The following ANXA6 variants were observed in gnomAD, a reference collection of about 807,000 sequenced individuals.
The protein encoded by ANXA6 is annexin A6, also known as 67 kDa calelectrin.
A neutral mutation model predicts 95.4 loss-of-function variants in ANXA6; 71 were observed. The ratio of observed to expected loss-of-function variants is 0.74; its 90% CI spans 0.61 to 0.91. ANXA6 has a LOEUF of 0.91. Among genes scored for constraint, ANXA6 ranks in the 40% least tolerant of loss-of-function variants. The pLI is 0.00. For missense variants in ANXA6, 830 were observed against 876.4 expected (o/e 0.95, Z 0.67); for synonymous variants, 289 against 315.9 (o/e 0.91, Z 0.90).
chr5:151,150,585 A>G (rs940136838), intron 1 of ANXA6, among the ~76,000 whole-genome samples: 14 of 152,222 alleles, frequency 9.2e-5, no homozygotes, highest in African/African-American at 3.4e-4. Context: ...AGTGGAAGGC[A>G]GAGGACGGAT....
At chr5:151,104,301 T>A (rs1312451526) in intron 24 of ANXA6, among the ~76,000 whole-genome samples, 1 of 152,154 alleles carries the variant, frequency 6.6e-6, no homozygotes, top group Non-Finnish European at 1.5e-5. Flanking sequence ...ACACCAGCCC[T>A]AGGAAACTAC....
At chr5:151,153,115 C>A (rs540483606) in intron 1 of ANXA6, among the ~76,000 whole-genome samples, 5 of 152,294 alleles carry the variant, frequency 3.3e-5, no homozygotes, top group South Asian at 2.1e-4. Context: ...GCTCAGCAGT[C>A]GAGGCCATTG....
At chr5:151,151,551 T>A (rs1211326348) in intron 1 of ANXA6, 1 of 152,218 alleles carries the variant, frequency 6.6e-6, no homozygotes, top group Non-Finnish European at 1.5e-5. Context: ...TGGTTCTGGT[T>A]CCCAGTCTGC....
In ANXA6 at chr5:151,101,506, C is replaced by T; in HGVS notation, c.1964G>A (p.Gly655Asp). 1 of 1,559,600 alleles carries T rather than the reference C, an allele frequency of 6.4e-7. No homozygotes were observed. Among genetic ancestry groups the T allele is most frequent in the Non-Finnish European group, 8.7e-7 (1 of 1,151,682 alleles). ...YDKSLHQAIEGDTSGDFLKAL... is the reference protein window; with the variant it reads ...YDKSLHQAIEDDTSGDFLKAL... ...CTTCAGGAAGTCTCCGGAGGTGTCA[C>T]CCTGGCAGAGGCAGAGAGCAGAGTG... The change falls in exon 26 of 26, where the codon GGT becomes GAT. Residue 655 changes from glycine to aspartate, a missense_variant and splice_region_variant. Gly to Asp is a moderately conservative substitution (Grantham distance 94). Coordinates refer to ENST00000354546, the MANE Select transcript of ANXA6 (RefSeq NM_001155.5).
At chr5:151,105,200 T>C in intron 24 of ANXA6, 45 bp downstream of exon 24, 3 of 1,558,502 alleles carry the variant, frequency 1.9e-6, no homozygotes, top group Non-Finnish European at 1.8e-6. Context: ...TGTGTGTATG[T>C]AAGTCAGTGC....
intron 22 of ANXA6, 42 bp downstream of exon 22, chr5:151,109,711 G>C: frequency 6.7e-7 from 1 of 1,484,048 alleles, no homozygotes; most frequent in Non-Finnish European, 9.3e-7. Flanking sequence ...CAGATTCTGG[G>C]ATCTTCCTGC....
chr5:151,132,809 G>A (rs1765554542), intron 9 of ANXA6, among the ~76,000 whole-genome samples: 1 of 151,980 alleles, frequency 6.6e-6, no homozygotes, highest in Non-Finnish European at 1.5e-5. Flanking sequence ...GACTGGCACT[G>A]AGATGGAAGG....
At chr5:151,131,336 G>C (rs777432831) in intron 10 of ANXA6, 47 bp from the exon 11 acceptor site, 6 of 1,593,506 alleles carry the variant, frequency 3.8e-6, no homozygotes, top group Non-Finnish European at 5.2e-6. Flanking sequence ...TGCCTCAGAA[G>C]GGGGATGGGA....
chr5:151,122,264 C>G lies in ANXA6; in HGVS notation c.1234-4G>C. 1 of 1,582,830 alleles carries G rather than the reference C, an allele frequency of 6.3e-7. No homozygotes were observed. On this transcript the variant is annotated splice_polypyrimidine_tract_variant and splice_region_variant and intron_variant, in intron 16 of 25. Coordinates refer to ENST00000354546, the MANE Select transcript of ANXA6 (RefSeq NM_001155.5). The stretch of plus-strand genomic sequence containing the variant: ...ACTTCAGGTCAGTCATTAAGTCCTG[C>G]AAAGGGCAGAGCCACAGTCATGCCA...
At chr5:151,138,901 T>C (rs1410395132) in intron 4 of ANXA6, 110 bp from the exon 5 acceptor site, 2 of 753,136 alleles carry the variant, frequency 2.7e-6, no homozygotes, top group Non-Finnish European at 4.6e-6. Context: ...GGCTAAGTAA[T>C]CTCATTAAAT....
At chr5:151,125,036 T>G (rs1020396624) in intron 14 of ANXA6, among the ~76,000 whole-genome samples, 1 of 152,196 alleles carries the variant, frequency 6.6e-6, no homozygotes, top group Non-Finnish European at 1.5e-5. Flanking sequence ...TCTGACATAA[T>G]AGGCACACTC....
intron 14 of ANXA6, among the ~76,000 whole-genome samples, 169 bp from the exon 15 acceptor site, chr5:151,124,536 TGAGAGAGA>T (rs56708608): frequency 5.4e-5 from 8 of 146,836 alleles, no homozygotes; most frequent in South Asian, 2.2e-4. Flanking sequence ...GCACGAGAGC[TGAGAGAGA>T]GAGAGAGAGA....
chr5:151,117,647 C>G, intron 19 of ANXA6, 111 bp downstream of exon 19: 1 of 903,144 alleles, frequency 1.1e-6, no homozygotes, highest in Non-Finnish European at 1.7e-6. Flanking sequence ...GACACCCCCT[C>G]TCCATCAGGA....
intron 23 of ANXA6, among the ~76,000 whole-genome samples, chr5:151,105,946 C>G (rs948823115): frequency 6.6e-6 from 1 of 152,116 alleles, no homozygotes; most frequent in African/African-American, 2.4e-5. Context: ...ACTTTTGCAC[C>G]AACCTAACAG....
intron 1 of ANXA6, chr5:151,155,616 C>A (rs1389015655): frequency 3.9e-5 from 6 of 152,230 alleles, no homozygotes; most frequent in Admixed American, 3.3e-4. Context: ...GAGACCACAT[C>A]CTGTGCTTTG....
intron 8 of ANXA6, among the ~76,000 whole-genome samples, chr5:151,133,852 C>T (rs1301964255): frequency 6.6e-6 from 1 of 152,176 alleles, no homozygotes; most frequent in Non-Finnish European, 1.5e-5. Context: ...CTCTCCTAGG[C>T]TCCCATAGCT....
intron 20 of ANXA6, among the ~76,000 whole-genome samples, chr5:151,115,535 C>T (rs950500370): frequency 2.0e-5 from 3 of 152,124 alleles, no homozygotes; most frequent in Non-Finnish European, 2.9e-5. Context: ...GCAAACCAGG[C>T]ACCAGGCAGA....
intron 12 of ANXA6, 90 bp from the exon 13 acceptor site, chr5:151,128,329 G>A (rs1310108780): frequency 2.6e-6 from 3 of 1,140,600 alleles, no homozygotes; most frequent in Admixed American, 2.0e-5. Flanking sequence ...CTGAAAGAGG[G>A]GAAGGCTGAA....
At chr5:151,103,204 C>T (rs1372695804) in intron 25 of ANXA6, among the ~76,000 whole-genome samples, 2 of 152,150 alleles carry the variant, frequency 1.3e-5, no homozygotes, top group African/African-American at 4.8e-5. Context: ...ACCATGTTGG[C>T]CAGGCTGGTC....
Sources: gnomAD v4.1 joint callset for allele counts (sites outside exome capture counted in the v4.1 genomes callset) on GRCh38, gnomAD v4.1.1 for gene constraint, MANE v1.5 for transcripts, NCBI Gene and HGNC (gene_info 2026-07-23, HGNC 2026-07-21) for gene names.